The following DENND1A variants were observed in gnomAD, a reference collection of about 807,000 sequenced individuals.
The protein encoded by DENND1A is DENN domain containing 1A.
Under a neutral mutation model 113.7 loss-of-function variants are expected in DENND1A, and 51 were observed. That is an observed-to-expected ratio of 0.45 (90% CI 0.36 to 0.57). The LOEUF is 0.57. DENND1A is among the 20% of genes least tolerant of loss of function. DENND1A has a pLI of 0.00. For synonymous variants in DENND1A, 565 were observed against 570.8 expected, an observed-to-expected ratio of 0.99 and a Z score of 0.14; for missense variants, 1,258 against 1,395.9, an observed-to-expected ratio of 0.90 and a Z score of 1.57.
intron 5 of DENND1A, among the ~76,000 whole-genome samples, chr9:123,744,728 T>C (rs1357662074): frequency 6.6e-6 from 1 of 151,862 alleles, no homozygotes; most frequent in Non-Finnish European, 1.5e-5. Flanking sequence ...TGTGGTGAGA[T>C]GTCCACGACC....
chr9:123,737,337 A>G (rs2068639383), intron 5 of DENND1A, among the ~76,000 whole-genome samples: 1 of 152,126 alleles, frequency 6.6e-6, no homozygotes, highest in Non-Finnish European at 1.5e-5. Context: ...CTGGAACTAC[A>G]GGTGTGCACT....
intron 5 of DENND1A, among the ~76,000 whole-genome samples, chr9:123,719,730 T>C (rs535656545): frequency 2.0e-5 from 3 of 152,200 alleles, no homozygotes; most frequent in Admixed American, 6.5e-5. Flanking sequence ...TTATGTTTCA[T>C]ATACACCTCA....
intron 11 of DENND1A, among the ~76,000 whole-genome samples, chr9:123,592,759 C>T (rs2059517495): frequency 6.6e-6 from 1 of 152,156 alleles, no homozygotes; most frequent in African/African-American, 2.4e-5. Flanking sequence ...CCCGCCTCAG[C>T]CTCCTGAGCA....
At chr9:123,855,450 T>C (rs1437954570) in intron 2 of DENND1A, among the ~76,000 whole-genome samples, 1 of 151,840 alleles carries the variant, frequency 6.6e-6, no homozygotes, top group Non-Finnish European at 1.5e-5. Context: ...AGAAAGAGTA[T>C]TGTACAGAAA....
At chr9:123,563,935 G>A (rs2057906956) in intron 12 of DENND1A, among the ~76,000 whole-genome samples, 1 of 152,128 alleles carries the variant, frequency 6.6e-6, no homozygotes, top group Non-Finnish European at 1.5e-5. Flanking sequence ...CTTTCTGTCA[G>A]AACAAATAGC....
intron 1 of DENND1A, among the ~76,000 whole-genome samples, chr9:123,913,627 C>G (rs972196938): frequency 6.6e-6 from 1 of 152,028 alleles, no homozygotes; most frequent in East Asian, 1.9e-4. Context: ...AAAATCCGAC[C>G]GGGCATGGTG....
rs540168009 is a variant in DENND1A at position 123,718,898 on chromosome 9, T to A, written c.302+38805A>T. On this transcript the variant is annotated intron_variant, in intron 5 of 23. Coordinates refer to ENST00000394215, the MANE Select transcript of DENND1A (RefSeq NM_001352964.2). ...TCATTTTGAAATGTAGCTCCCATAA[T>A]TCCCACATGTTGTGGGATGGACCCG... Among the ~76,000 whole-genome samples, 153 of 152,328 alleles carry A rather than the reference T, an allele frequency of 1.0e-3. 1 individual carries two copies. The highest frequency in any genetic ancestry group is 3.5e-3 in the African/African-American group (147 of 41,584).
At position 123,450,316 on chromosome 9, in the gene DENND1A, T is replaced by C. The variant is rs1463202163; in HGVS notation, c.1356+377A>G. 2.0e-5 allele frequency among the ~76,000 whole-genome samples: 3 copies of C among 152,202 alleles called. No homozygotes were observed. In the East Asian group the frequency reaches 5.8e-4, roughly 29 times the overall value. On this transcript the variant is annotated intron_variant, in intron 18 of 23. Coordinates refer to ENST00000394215, the MANE Select transcript of DENND1A (RefSeq NM_001352964.2). ...GCAATCATTCCCTAGAGATGCTCCT[T>C]GGTTTTGGTTACAACCGGCCCTGGG...
At chr9:123,548,217 C>T (rs561991413) in intron 13 of DENND1A, among the ~76,000 whole-genome samples, 38 of 152,244 alleles carry the variant, frequency 2.5e-4, no homozygotes, top group Non-Finnish European at 3.5e-4. Flanking sequence ...GCTTCATTCC[C>T]AGGACATGAT....
intron 19 of DENND1A, among the ~76,000 whole-genome samples, chr9:123,432,095 T>G (rs938231748): frequency 2.0e-5 from 3 of 152,148 alleles, no homozygotes; most frequent in Non-Finnish European, 1.5e-5. Context: ...CTTCTCCAGC[T>G]CTCTATAACG....
intron 2 of DENND1A, among the ~76,000 whole-genome samples, chr9:123,849,986 T>C (rs996644937): frequency 1.3e-5 from 2 of 152,228 alleles, no homozygotes; most frequent in Admixed American, 6.5e-5. Flanking sequence ...AAGTTGCTTC[T>C]TACAAATGAG....
chr9:123,658,863 C>T (rs920263673), intron 8 of DENND1A, among the ~76,000 whole-genome samples: 2 of 152,174 alleles, frequency 1.3e-5, no homozygotes, highest in Admixed American at 1.3e-4. Context: ...ATAACTTACA[C>T]ATATGATGAG....
chr9:123,646,529 A>G (rs1357339360), intron 9 of DENND1A, among the ~76,000 whole-genome samples: 1 of 152,092 alleles, frequency 6.6e-6, no homozygotes, highest in East Asian at 1.9e-4. Context: ...CTGCTGGAGT[A>G]ATTTCCTTGA....
At chr9:123,812,699 A>G (rs540660514) in intron 2 of DENND1A, among the ~76,000 whole-genome samples, 1 of 152,300 alleles carries the variant, frequency 6.6e-6, no homozygotes, top group Admixed American at 6.5e-5. Flanking sequence ...TTTTAGTGAT[A>G]GAATCATAAT....
At chr9:123,649,617 AC>A (rs1159957517) in intron 9 of DENND1A, among the ~76,000 whole-genome samples, 2 of 152,180 alleles carry the variant, frequency 1.3e-5, no homozygotes, top group Non-Finnish European at 2.9e-5. Flanking sequence ...AAGTTAAATA[AC>A]CTATTTAATT....
chr9:123,922,110 T>C (rs1424881851), intron 1 of DENND1A, among the ~76,000 whole-genome samples: 1 of 152,142 alleles, frequency 6.6e-6, no homozygotes, highest in African/African-American at 2.4e-5. Context: ...TTGTTGTATT[T>C]TTTTGTAAAG....
intron 15 of DENND1A, among the ~76,000 whole-genome samples, chr9:123,456,233 T>A (rs1226874300): frequency 6.6e-6 from 1 of 152,162 alleles, no homozygotes; most frequent in African/African-American, 2.4e-5. Context: ...TAGTCCAGAA[T>A]AGACACACAC....
chr9:123,452,458 G>T, intron 16 of DENND1A, 111 bp from the exon 17 acceptor site: 1 of 864,994 alleles, frequency 1.2e-6, no homozygotes, highest in South Asian at 1.5e-5. Flanking sequence ...GTATGTAAAT[G>T]CACATCGAGA....
At position 123,565,078 on chromosome 9, in the gene DENND1A, G is replaced by A. The variant is rs529995260; in HGVS notation, c.868-7383C>T. ...ACCATCTTGGCTCACTGCAACCTCC[G>A]CTTCCTGGGTTCAAGCAATTCTCCT... On this transcript the variant is annotated intron_variant, in intron 12 of 23. Transcript: ENST00000394215. Among the ~76,000 whole-genome samples, 15 of 135,342 alleles carry A rather than the reference G, an allele frequency of 1.1e-4. No homozygotes were observed. In the East Asian group the frequency reaches 1.9e-3, roughly 17 times the overall value. 88.8% of individuals were successfully genotyped at this position (135,342 alleles called of 152,430 possible). A position where few individuals can be genotyped will look rare whatever the true frequency, so the allele number is the denominator to read the frequency against.
Sources: gnomAD v4.1 joint callset for allele counts (sites outside exome capture counted in the v4.1 genomes callset) on GRCh38, gnomAD v4.1.1 for gene constraint, MANE v1.5 for transcripts, NCBI Gene and HGNC (gene_info 2026-07-23, HGNC 2026-07-21) for gene names.